PPP6R3: variants seen among roughly 807,000 people sequenced by gnomAD.
PPP6R3 encodes serine/threonine-protein phosphatase 6 regulatory subunit 3.
PPP6R3 carries 38 observed loss-of-function variants against 110.7 expected under a neutral mutation model. That is an observed-to-expected ratio of 0.34 (90% CI 0.26 to 0.45). The LOEUF (loss-of-function observed/expected upper bound fraction) is 0.45, where lower values mean the gene tolerates loss of function less well. Ranked by LOEUF, PPP6R3 falls within the 20% of genes least tolerant of loss-of-function variation. The pLI, the probability that PPP6R3 is intolerant of heterozygous loss-of-function variation, is 1.00. For missense variants in PPP6R3, 870 were observed against 1,062.4 expected, an observed-to-expected ratio of 0.82 and a Z score of 2.52; for synonymous variants, 369 against 373.5, an observed-to-expected ratio of 0.99 and a Z score of 0.14.
intron 1 of PPP6R3, among the ~76,000 whole-genome samples, chr11:68,491,077 T>C (rs1478262968): frequency 6.6e-6 from 1 of 151,972 alleles, no homozygotes; most frequent in African/African-American, 2.4e-5. Flanking sequence ...TCCCAGCTAC[T>C]TTTTGGGGCT....
intron 1 of PPP6R3, among the ~76,000 whole-genome samples, chr11:68,498,891 C>G (rs1193538762): frequency 6.6e-6 from 1 of 152,194 alleles, no homozygotes; most frequent in Non-Finnish European, 1.5e-5. Flanking sequence ...GTGGCATCTA[C>G]TAAAGCTATT....
chr11:68,598,584 C>T (rs2099621121), intron 19 of PPP6R3, among the ~76,000 whole-genome samples: 2 of 152,172 alleles, frequency 1.3e-5, no homozygotes, highest in South Asian at 4.2e-4. Context: ...GGCTTCAGGG[C>T]TACAGGGTTG....
At chr11:68,596,252 G>C in intron 19 of PPP6R3, 34 bp downstream of exon 19, 1 of 1,613,694 alleles carries the variant, frequency 6.2e-7, no homozygotes, top group Non-Finnish European at 8.5e-7. Context: ...CAGCTGCCCT[G>C]TGTTGGAATT....
At chr11:68,534,123 C>G (rs992936638) in intron 2 of PPP6R3, among the ~76,000 whole-genome samples, 1 of 152,160 alleles carries the variant, frequency 6.6e-6, no homozygotes, top group South Asian at 2.1e-4. Flanking sequence ...CACACCTACA[C>G]GGTGAGTGCC....
intron 6 of PPP6R3, among the ~76,000 whole-genome samples, chr11:68,552,021 G>A (rs12284933): frequency 0.23 from 35,045 of 152,136 alleles, 4,289 homozygotes; most frequent in Middle Eastern, 0.32. Context: ...TTTGGAGTTT[G>A]CAGATTGAAC....
intron 6 of PPP6R3, among the ~76,000 whole-genome samples, chr11:68,551,733 A>T (rs181723073): frequency 6.6e-5 from 10 of 152,216 alleles, no homozygotes; most frequent in Admixed American, 3.3e-4. Flanking sequence ...GTGATCCACC[A>T]GCCTCGGCCT....
At chr11:68,504,193 T>A (rs2099063123) in intron 1 of PPP6R3, among the ~76,000 whole-genome samples, 1 of 151,676 alleles carries the variant, frequency 6.6e-6, no homozygotes, top group Admixed American at 6.6e-5. Context: ...GGTAAAGCAT[T>A]ATATTCTTGA....
chr11:68,522,277 A>G (rs2099167808), intron 2 of PPP6R3, among the ~76,000 whole-genome samples: 2 of 152,254 alleles, frequency 1.3e-5, no homozygotes, highest in African/African-American at 2.4e-5. Context: ...AGCTCAGAAA[A>G]CATGTCCACT....
At chr11:68,500,080 C>T (rs927477286) in intron 1 of PPP6R3, among the ~76,000 whole-genome samples, 1 of 152,096 alleles carries the variant, frequency 6.6e-6, no homozygotes, top group African/African-American at 2.4e-5. Context: ...ATTGCTTCTT[C>T]TATAAATATG....
intron 17 of PPP6R3, 34 bp from the exon 18 acceptor site, chr11:68,591,542 A>G: frequency 6.5e-7 from 1 of 1,543,868 alleles, no homozygotes. Flanking sequence ...CTTTAAATTT[A>G]TTTTGTTGTT....
intron 1 of PPP6R3, among the ~76,000 whole-genome samples, chr11:68,498,845 GTGAAAT>G (rs1430054621): frequency 6.6e-6 from 1 of 152,184 alleles, no homozygotes; most frequent in African/African-American, 2.4e-5. Context: ...ATACCTAAGG[GTGAAAT>G]TGCTAGGGCA....
rs74330749 is a variant in PPP6R3 at position 68,484,469 on chromosome 11, T to A, written c.-158+23642T>A. On this transcript the variant is annotated intron_variant, in intron 1 of 23. Transcript: ENST00000393800. ...CCCTAATGATGTATGATGTTGAACA[T>A]GTTTTCAAATGCTTACTTGCTGTCT... is the stretch of plus-strand genomic sequence containing the variant. 3.6e-3 allele frequency among the ~76,000 whole-genome samples: 555 copies of A among 152,278 alleles called. 5 individuals are homozygous for A. The highest frequency in any genetic ancestry group is 0.013 in the African/African-American group (536 of 41,562).
chr11:68,470,971 C>A (rs2098787087), intron 1 of PPP6R3, among the ~76,000 whole-genome samples: 1 of 151,892 alleles, frequency 6.6e-6, no homozygotes, highest in Non-Finnish European at 1.5e-5. Flanking sequence ...AGGGAGAGAT[C>A]TAGGCTGCAG....
At chr11:68,487,380 C>A (rs1053064290) in intron 1 of PPP6R3, among the ~76,000 whole-genome samples, 3 of 151,818 alleles carry the variant, frequency 2.0e-5, no homozygotes. Context: ...ATCAGCCTGG[C>A]CAACATGGCA....
At chr11:68,539,572 C>T (rs1406899609) in intron 3 of PPP6R3, among the ~76,000 whole-genome samples, 1 of 152,212 alleles carries the variant, frequency 6.6e-6, no homozygotes, top group Non-Finnish European at 1.5e-5. Context: ...AGCAGAGTCA[C>T]CACCTGTGTG....
chr11:68,569,151 T>G (rs111835666), intron 10 of PPP6R3, among the ~76,000 whole-genome samples: 1 of 152,208 alleles, frequency 6.6e-6, no homozygotes, highest in Non-Finnish European at 1.5e-5. Flanking sequence ...TCCCTTTCTC[T>G]TGGAGAAACG....
chr11:68,501,643 A>T (rs2099049472), intron 1 of PPP6R3, among the ~76,000 whole-genome samples: 1 of 152,202 alleles, frequency 6.6e-6, no homozygotes, highest in Non-Finnish European at 1.5e-5. Flanking sequence ...TTATTTCTTA[A>T]AATGCGTGTG....
Position 68,526,382 on chromosome 11 carries a change from G to A in PPP6R3, c.-7+6731G>A, listed in dbSNP as rs61889590. On this transcript the variant is annotated intron_variant, in intron 2 of 23. Coordinates refer to ENST00000393800, the MANE Select transcript of PPP6R3 (RefSeq NM_001164161.2). ...AGCCTCCTGAGTAGCTAGGACTACA[G>A]GTGTGCACCACCATGCCCGACTGAT... is the stretch of plus-strand genomic sequence containing the variant. Among the ~76,000 whole-genome samples, 377 of 152,194 alleles carry A rather than the reference G, an allele frequency of 2.5e-3. 1 individual carries two copies. The highest frequency in any genetic ancestry group is 4.1e-3 in the Non-Finnish European group (278 of 68,008).
At position 68,583,947 on chromosome 11, in the gene PPP6R3, C is replaced by T. The variant is rs553567065; in HGVS notation, c.1632+818C>T. On this transcript the variant is annotated intron_variant, in intron 15 of 23. Transcript: ENST00000393800. ...CTTTTTTTTAGTCTCTAAGCTTCGT[C>T]TTAGATGAAGCTTCACATGCTTATG... Among the ~76,000 whole-genome samples the T allele has an allele frequency of 9.5e-4, 144 of 152,260 alleles. 1 individual carries two copies. The South Asian group carries it at 0.013, about 14-fold the overall frequency.
Sources: allele counts gnomAD v4.1 joint callset (sites outside exome capture counted in the v4.1 genomes callset), GRCh38; gene constraint gnomAD v4.1.1; transcripts MANE v1.5; gene names NCBI Gene and HGNC (gene_info 2026-07-23, HGNC 2026-07-21).